The following PBX1 variants were observed in gnomAD, a reference collection of about 807,000 sequenced individuals.
The protein encoded by PBX1 is PBX homeobox 1.
Under a neutral mutation model 53.4 loss-of-function variants are expected in PBX1, and 6 were observed. The ratio of observed to expected loss-of-function variants is 0.11; its 90% CI spans 0.06 to 0.22. PBX1 has a LOEUF of 0.22. PBX1 is among the 10% of genes least tolerant of loss of function. The pLI is 1.00. For missense variants in PBX1, 251 were observed against 551.4 expected (o/e 0.46, Z 5.46); for synonymous variants, 204 against 212.3 (o/e 0.96, Z 0.34).
chr1:164,882,789 G>C (rs558397322), intron 2 of PBX1, among the ~76,000 whole-genome samples: 1 of 152,026 alleles, frequency 6.6e-6, no homozygotes, highest in Non-Finnish European at 1.5e-5. Flanking sequence ...GAGAGGAACA[G>C]GTGTACTTAT....
chr1:164,700,834 C>A, intron 2 of PBX1: 1 of 606,516 alleles, frequency 1.6e-6, no homozygotes, highest in Non-Finnish European at 2.1e-6. Flanking sequence ...CTGTATATTG[C>A]CACTTAGCTG....
At chr1:164,748,081 T>A (rs1336186119) in intron 2 of PBX1, among the ~76,000 whole-genome samples, 2 of 152,166 alleles carry the variant, frequency 1.3e-5, no homozygotes, top group Non-Finnish European at 2.9e-5. Context: ...TTTTTGCTTT[T>A]GAGTTTTTGT....
intron 2 of PBX1, among the ~76,000 whole-genome samples, chr1:164,752,206 TTG>T (rs10629820): frequency 0.046 from 6,583 of 143,000 alleles, 148 homozygotes; most frequent in Middle Eastern, 0.08. Flanking sequence ...CTTTAAGGTT[TTG>T]TGTGTGTGTG....
At chr1:164,688,989 G>C (rs1235172440) in intron 2 of PBX1, among the ~76,000 whole-genome samples, 1 of 152,202 alleles carries the variant, frequency 6.6e-6, no homozygotes, top group South Asian at 2.1e-4. Context: ...GGAGGGTGGC[G>C]TCGCGCCTCC....
intron 3 of PBX1, among the ~76,000 whole-genome samples, chr1:164,795,123 C>T (rs1360598385): frequency 6.6e-6 from 1 of 152,122 alleles, no homozygotes; most frequent in African/African-American, 2.4e-5. Context: ...AGATTGGGTA[C>T]CCAGGACAGG....
chr1:164,616,058 T>C (rs1286573293), intron 2 of PBX1, among the ~76,000 whole-genome samples: 1 of 152,202 alleles, frequency 6.6e-6, no homozygotes, highest in Admixed American at 6.5e-5. Flanking sequence ...CTATGTGAAA[T>C]ATGGTCTTGT....
chr1:164,738,977 T>C lies in PBX1; in HGVS notation c.266-53517T>C, dbSNP rs571333354. ...GTAAATTATATTGTAGACAGTATTTTTGTAACTATTTAGTTGTTTCTAGTT... is the reference window on the plus strand; with the variant it reads ...GTAAATTATATTGTAGACAGTATTTCTGTAACTATTTAGTTGTTTCTAGTT... On this transcript the variant is annotated intron_variant, in intron 2 of 8. Transcript: ENST00000420696. Among the ~76,000 whole-genome samples the C allele has an allele frequency of 8.5e-5, 13 of 152,338 alleles. No individual in the cohort carries two copies. The South Asian group carries it at 2.7e-3, about 32-fold the overall frequency.
At chr1:164,698,759 T>C (rs763829767) in intron 2 of PBX1, among the ~76,000 whole-genome samples, 13 of 152,352 alleles carry the variant, frequency 8.5e-5, no homozygotes, top group East Asian at 1.9e-4. Flanking sequence ...ACTATATACA[T>C]GATAATCTCT....
At chr1:164,610,126 C>T (rs1271137109) in intron 2 of PBX1, among the ~76,000 whole-genome samples, 4 of 152,202 alleles carry the variant, frequency 2.6e-5, no homozygotes, top group Non-Finnish European at 5.9e-5. Context: ...TGGTGGCCGC[C>T]GCCTCCTTTG....
intron 4 of PBX1, among the ~76,000 whole-genome samples, chr1:164,803,332 G>A (rs899633028): frequency 3.9e-5 from 6 of 152,228 alleles, no homozygotes; most frequent in Admixed American, 2.6e-4. Flanking sequence ...GATCCAGAGA[G>A]AGGGCCTAAA....
At chr1:164,689,432 A>G (rs1400838177) in intron 2 of PBX1, among the ~76,000 whole-genome samples, 1 of 151,892 alleles carries the variant, frequency 6.6e-6, no homozygotes, top group Non-Finnish European at 1.5e-5. Context: ...AAAGATATTG[A>G]TGAGCATTGC....
At chr1:164,653,927 G>A (rs565723376) in intron 2 of PBX1, among the ~76,000 whole-genome samples, 1 of 152,314 alleles carries the variant, frequency 6.6e-6, no homozygotes, top group East Asian at 1.9e-4. Flanking sequence ...TGTGACAATA[G>A]AACAGCCTGT....
At chr1:164,737,128 C>T (rs1289038382) in intron 2 of PBX1, among the ~76,000 whole-genome samples, 6 of 152,086 alleles carry the variant, frequency 3.9e-5, no homozygotes, top group Non-Finnish European at 5.9e-5. Flanking sequence ...CTGAGAAGTC[C>T]GCCCATTTTC....
intron 2 of PBX1, among the ~76,000 whole-genome samples, chr1:164,610,033 T>G (rs566815368): frequency 6.6e-6 from 1 of 152,210 alleles, no homozygotes; most frequent in East Asian, 1.9e-4. Context: ...TTGGTGCACA[T>G]TCACGATGCC....
chr1:164,849,009 ATTTTT>A lies in PBX1; in HGVS notation c.*2334_*2338del. 8.5e-7 allele frequency: 1 copy of A among 1,171,078 alleles called. No homozygotes were observed. The highest frequency in any genetic ancestry group is 3.1e-5 in the South Asian group (1 of 32,242). 72.5% of individuals were successfully genotyped at this position (1,171,078 alleles called of 1,614,324 possible). ...ATCAGAACAGATGCCTAGAAGGAGC[ATTTTT>A]GTGACAACTTCATAGTGATTAGAAT... On this transcript the variant is annotated 3_prime_UTR_variant, in exon 9 of 9. Coordinates refer to ENST00000420696, the MANE Select transcript of PBX1 (RefSeq NM_002585.4).
At position 164,747,233 on chromosome 1, in the gene PBX1, A is replaced by G. The variant is rs575595807; in HGVS notation, c.266-45261A>G. Among the ~76,000 whole-genome samples, 7 of 152,084 alleles carry G rather than the reference A, an allele frequency of 4.6e-5. No individual in the cohort carries two copies. In the Middle Eastern group the frequency reaches 0.017, roughly 369 times the overall value. On this transcript the variant is annotated intron_variant, in intron 2 of 8. Coordinates refer to ENST00000420696, the MANE Select transcript of PBX1 (RefSeq NM_002585.4). ...AGTAAATTTGAGAATGATCTTTTTT[A>G]AAAAAATAGGCTTAGGCTGTAGAGA...
intron 2 of PBX1, among the ~76,000 whole-genome samples, chr1:164,871,618 T>C (rs1053901274): frequency 3.3e-5 from 5 of 152,170 alleles, no homozygotes; most frequent in Non-Finnish European, 7.4e-5. Context: ...GAGATTAGCA[T>C]TTCCCAGAGC....
intron 2 of PBX1, among the ~76,000 whole-genome samples, chr1:164,748,887 G>A (rs1272878988): frequency 6.6e-6 from 1 of 152,138 alleles, no homozygotes; most frequent in Non-Finnish European, 1.5e-5. Context: ...GAGGGGTGGA[G>A]GAATCTTTCT....
intron 2 of PBX1, among the ~76,000 whole-genome samples, chr1:164,723,702 G>A (rs886322358): frequency 3.3e-5 from 5 of 152,106 alleles, no homozygotes; most frequent in Admixed American, 6.6e-5. Flanking sequence ...GCTATGCGCC[G>A]GAAGCTTAAT....
Sources: gnomAD v4.1 joint callset for allele counts (sites outside exome capture counted in the v4.1 genomes callset) on GRCh38, gnomAD v4.1.1 for gene constraint, MANE v1.5 for transcripts, NCBI Gene and HGNC (gene_info 2026-07-23, HGNC 2026-07-21) for gene names.